Variants in ANO4 observed in about 807,000 individuals in gnomAD.
The protein encoded by ANO4 is anoctamin 4.
In ANO4, 69 loss-of-function variants were observed where a neutral mutation model predicts 141.9. The observed-to-expected ratio is 0.49, with a 90% CI of 0.40 to 0.59. The LOEUF is 0.59. Ranked by LOEUF, ANO4 falls within the 20% of genes least tolerant of loss-of-function variation. The pLI, the probability that ANO4 is intolerant of heterozygous loss-of-function variation, is 0.00. For synonymous variants in ANO4, 350 were observed against 394.3 expected (o/e 0.89, Z 1.33); for missense variants, 894 against 1,162.2 (o/e 0.77, Z 3.36).
chr12:101,052,190 G>A (rs2047901632), intron 14 of ANO4, among the ~76,000 whole-genome samples: 1 of 152,136 alleles, frequency 6.6e-6, no homozygotes, highest in African/African-American at 2.4e-5. Flanking sequence ...ATTGGGTTAG[G>A]AATCCTGACA....
Position 101,111,723 on chromosome 12 carries a change from T to G in ANO4, c.2450+13T>G, listed in dbSNP as rs777900578. On this transcript the variant is annotated intron_variant, in intron 24 of 27. Coordinates refer to ENST00000392977, the MANE Select transcript of ANO4 (RefSeq NM_001286615.2). ...AAGCTGGGCAAAAGTAAGTTTGCTA[T>G]AAAACCACTATACAGTTTCTATTTC... 1.2e-5 allele frequency: 19 copies of G among 1,588,434 alleles called. No homozygotes were observed. The South Asian group carries it at 2.1e-4, about 18-fold the overall frequency.
At chr12:101,020,350 G>A (rs2046472534) in intron 9 of ANO4, among the ~76,000 whole-genome samples, 3 of 152,216 alleles carry the variant, frequency 2.0e-5, no homozygotes, top group Admixed American at 2.0e-4. Flanking sequence ...ATTTGTCTAA[G>A]ATCATGGAGA....
At chr12:100,848,166 G>A (rs756699706) in intron 1 of ANO4, among the ~76,000 whole-genome samples, 1 of 151,958 alleles carries the variant, frequency 6.6e-6, no homozygotes, top group Non-Finnish European at 1.5e-5. Flanking sequence ...ACTTATAAAT[G>A]TTCCCCTTCA....
chr12:100,941,013 C>A (rs1401534460), intron 4 of ANO4, among the ~76,000 whole-genome samples: 1 of 151,528 alleles, frequency 6.6e-6, no homozygotes, highest in Non-Finnish European at 1.5e-5. Flanking sequence ...GATTTATGAA[C>A]CAGAATGCTA....
intron 8 of ANO4, among the ~76,000 whole-genome samples, chr12:101,000,048 T>TAAA (rs34706681): frequency 8.2e-5 from 10 of 122,672 alleles, no homozygotes; most frequent in Admixed American, 6.9e-4. Flanking sequence ...GACTCCATCT[T>TAAA]AAAAAAAAAA....
chr12:101,080,001 A>G (rs945899889), intron 15 of ANO4, among the ~76,000 whole-genome samples: 29 of 152,208 alleles, frequency 1.9e-4, no homozygotes, highest in African/African-American at 6.5e-4. Context: ...CAGTTGGTCC[A>G]GGCCTCAGCC....
intron 1 of ANO4, among the ~76,000 whole-genome samples, chr12:100,728,006 C>G (rs370146427): frequency 1.3e-5 from 2 of 152,126 alleles, no homozygotes; most frequent in South Asian, 4.1e-4. Flanking sequence ...CTTTGAGCAC[C>G]CAGCTCCTGG....
intron 26 of ANO4, among the ~76,000 whole-genome samples, chr12:101,125,801 T>C (rs2051289354): frequency 6.6e-6 from 1 of 152,220 alleles, no homozygotes; most frequent in African/African-American, 2.4e-5. Flanking sequence ...TTGCCAGTAT[T>C]GTATTGAGGC....
intron 3 of ANO4, among the ~76,000 whole-genome samples, chr12:100,758,451 G>A (rs1314228593): frequency 6.6e-6 from 1 of 152,162 alleles, no homozygotes; most frequent in Non-Finnish European, 1.5e-5. Context: ...CTAGTCACCA[G>A]CATTCTGTCC....
intron 5 of ANO4, among the ~76,000 whole-genome samples, chr12:100,943,045 T>A (rs2042580501): frequency 6.6e-6 from 1 of 152,080 alleles, no homozygotes; most frequent in African/African-American, 2.4e-5. Flanking sequence ...TTTTTTCAGG[T>A]CCCCAAGCTC....
intron 1 of ANO4, chr12:100,733,732 C>T (rs1302828158): frequency 1.5e-6 from 1 of 689,584 alleles, no homozygotes; most frequent in African/African-American, 1.8e-5. Flanking sequence ...ATGGTGTCTA[C>T]TAAGTTATAA....
At chr12:100,898,578 T>G (rs549483755) in intron 1 of ANO4, among the ~76,000 whole-genome samples, 61 of 152,350 alleles carry the variant, frequency 4.0e-4, no homozygotes, top group Non-Finnish European at 7.2e-4. Context: ...TAACATTTTT[T>G]GCTATGATCT....
chr12:100,806,306 G>T (rs1175425126), intron 1 of ANO4, among the ~76,000 whole-genome samples: 1 of 152,024 alleles, frequency 6.6e-6, no homozygotes, highest in Non-Finnish European at 1.5e-5. Context: ...GAATGAGAAT[G>T]CCTGTTTCCT....
In ANO4 at chr12:100,957,551, A is replaced by T. The variant is rs146631899; in HGVS notation, c.457-13755A>T. On this transcript the variant is annotated intron_variant, in intron 5 of 27. Coordinates refer to ENST00000392977, the MANE Select transcript of ANO4 (RefSeq NM_001286615.2). ...GTCATTGGGGAGTATATTGACTGTG[A>T]TAATAAGCCTGCTGTTGAATTATCC... Among the ~76,000 whole-genome samples, 21 of 152,318 alleles carry T rather than the reference A, an allele frequency of 1.4e-4. 1 individual carries two copies. In the East Asian group the frequency reaches 3.5e-3, roughly 25 times the overall value.
upstream of ANO4, among the ~76,000 whole-genome samples, chr12:100,793,523 A>G (rs1384580903): frequency 6.6e-6 from 1 of 152,106 alleles, no homozygotes; most frequent in Non-Finnish European, 1.5e-5. Flanking sequence ...ACTTCTAGGT[A>G]AAAACAGACA....
intron 3 of ANO4, among the ~76,000 whole-genome samples, chr12:100,764,233 T>G (rs1011012587): frequency 1.3e-5 from 2 of 152,192 alleles, no homozygotes; most frequent in Admixed American, 6.5e-5. Flanking sequence ...AATATGGCAT[T>G]ATTGGATATG....
At chr12:100,740,698 A>C (rs2031826413) in intron 3 of ANO4, among the ~76,000 whole-genome samples, 1 of 152,210 alleles carries the variant, frequency 6.6e-6, no homozygotes, top group Non-Finnish European at 1.5e-5. Context: ...CTGGCTGGCT[A>C]CCTGTTTTTG....
At chr12:100,987,985 C>T (rs1215072713) in intron 8 of ANO4, among the ~76,000 whole-genome samples, 2 of 152,180 alleles carry the variant, frequency 1.3e-5, no homozygotes, top group South Asian at 4.1e-4. Flanking sequence ...TCCCTGTGCA[C>T]GGAGCCCCCT....
At chr12:100,742,169 T>C (rs909789781) in intron 3 of ANO4, among the ~76,000 whole-genome samples, 1 of 152,150 alleles carries the variant, frequency 6.6e-6, no homozygotes, top group Non-Finnish European at 1.5e-5. Flanking sequence ...GACATCCAAA[T>C]ATATACTACA....
Sources: allele counts gnomAD v4.1 joint callset (sites outside exome capture counted in the v4.1 genomes callset), GRCh38; gene constraint gnomAD v4.1.1; transcripts MANE v1.5; gene names NCBI Gene and HGNC (gene_info 2026-07-23, HGNC 2026-07-21).